The following CASTOR2 variants were observed in gnomAD, a reference collection of about 807,000 sequenced individuals.
CASTOR2 encodes cytosolic arginine sensor for mTORC1 subunit 2.
In CASTOR2, 8 loss-of-function variants were observed where a neutral mutation model predicts 31.2. That is an observed-to-expected ratio of 0.26 (90% confidence interval 0.15 to 0.46). CASTOR2 has a LOEUF of 0.46. Ranked by LOEUF, CASTOR2 falls within the 20% of genes least tolerant of loss-of-function variation. The probability of loss-of-function intolerance (pLI) is 0.99; values close to 1 mark genes in which losing one functional copy is unlikely to be tolerated. For missense variants in CASTOR2, 216 were observed against 382.1 expected (o/e 0.57, Z 3.62); for synonymous variants, 162 against 158.7 (o/e 1.02, Z -0.16).
chr7:75,022,047 T>TG (rs1261532371), intron 7 of CASTOR2, 91 bp downstream of exon 7: 7 of 1,454,998 alleles, frequency 4.8e-6, no homozygotes, highest in South Asian at 3.7e-5. Context: ...CGGCCCCTGC[T>TG]GGGGGGTACA....
intron 1 of CASTOR2, among the ~76,000 whole-genome samples, chr7:75,006,151 T>C (rs1409571387): frequency 1.3e-5 from 2 of 151,926 alleles, no homozygotes; most frequent in Admixed American, 6.6e-5. Context: ...GGACATGGTA[T>C]TGTGTGCCTG....
At chr7:75,019,953 T>G in intron 5 of CASTOR2, 86 bp from the exon 6 acceptor site, 1 of 1,310,984 alleles carries the variant, frequency 7.6e-7, no homozygotes. Context: ...CATCAAAGCC[T>G]GGGCAGGGCC....
chr7:74,987,797 C>T (rs1804107787), intron 1 of CASTOR2, among the ~76,000 whole-genome samples: 1 of 152,034 alleles, frequency 6.6e-6, no homozygotes, highest in Non-Finnish European at 1.5e-5. Flanking sequence ...CAACCTCCAC[C>T]TCCCAGGTTC....
chr7:75,001,817 A>G (rs1172587562), intron 1 of CASTOR2, among the ~76,000 whole-genome samples: 7 of 152,118 alleles, frequency 4.6e-5, no homozygotes, highest in Non-Finnish European at 7.4e-5. Context: ...ATGATTTGTA[A>G]TAGTTTGTGG....
At chr7:74,965,882 ACTCTCTCTCTCT>A (rs1162058092) in intron 1 of CASTOR2, among the ~76,000 whole-genome samples, 2 of 19,066 alleles carry the variant, frequency 1.0e-4, no homozygotes, top group African/African-American at 3.0e-4. Flanking sequence ...ACACACACAC[ACTCTCTCTCTCT>A]CTCTCTCTCT....
chr7:74,991,699 G>A (rs1314557155), intron 1 of CASTOR2, among the ~76,000 whole-genome samples: 6 of 152,104 alleles, frequency 3.9e-5, no homozygotes, highest in East Asian at 1.9e-4. Flanking sequence ...AGCATGGTTC[G>A]TGAAGGTGTC....
intron 1 of CASTOR2, among the ~76,000 whole-genome samples, chr7:75,000,140 C>T (rs1477295628): frequency 5.9e-5 from 9 of 152,288 alleles, no homozygotes; most frequent in African/African-American, 1.2e-4. Context: ...GTGGGAGGAT[C>T]GCTTGAGCCC....
At chr7:75,020,201 G>A (rs1804959992) in intron 6 of CASTOR2, 52 bp downstream of exon 6, 5 of 1,481,956 alleles carry the variant, frequency 3.4e-6, no homozygotes, top group African/African-American at 2.8e-5. Flanking sequence ...CCCAGGGTCT[G>A]GGGGGACTAT....
rs1355172680 is a variant in CASTOR2, at chr7:74,996,144, T to C, written c.114-11850T>C. Among the ~76,000 whole-genome samples the C allele has an allele frequency of 5.2e-4, 79 of 151,730 alleles. 3 individuals are homozygous for C. Among genetic ancestry groups the C allele is most frequent in the African/African-American group, 1.9e-3 (77 of 41,392 alleles). The stretch of plus-strand genomic sequence containing the variant: ...AGGGTTAAGCTCACCCAGCAATGGG[T>C]AGATGGGCCCCGGTGGCAGGAAAGG... On this transcript the variant is annotated intron_variant, in intron 1 of 8. Coordinates refer to ENST00000616305, the MANE Select transcript of CASTOR2 (RefSeq NM_001145064.3).
intron 7 of CASTOR2, among the ~76,000 whole-genome samples, chr7:75,024,153 G>A (rs946847319): frequency 2.5e-4 from 38 of 152,182 alleles, no homozygotes; most frequent in African/African-American, 9.2e-4. Flanking sequence ...AGCTGGGCAT[G>A]GTGGTACACG....
intron 2 of CASTOR2, 43 bp downstream of exon 2, chr7:75,008,107 G>T (rs1554438958): frequency 1.2e-6 from 2 of 1,611,760 alleles, no homozygotes; most frequent in Non-Finnish European, 8.5e-7. Context: ...ACCATGCCCC[G>T]AAGTCAGGGC....
At chr7:75,010,109 T>G (rs1447523362) in intron 2 of CASTOR2, among the ~76,000 whole-genome samples, 1 of 151,910 alleles carries the variant, frequency 6.6e-6, no homozygotes, top group Non-Finnish European at 1.5e-5. Flanking sequence ...TTTATTTGGG[T>G]TAGAAGCAGC....
intron 2 of CASTOR2, among the ~76,000 whole-genome samples, chr7:75,016,671 A>G (rs1198217141): frequency 6.6e-6 from 1 of 152,180 alleles, no homozygotes; most frequent in East Asian, 1.9e-4. Context: ...TGGCAGCATC[A>G]GACCCACAAA....
chr7:75,022,004 T>C, intron 7 of CASTOR2, 48 bp downstream of exon 7: 1 of 1,547,634 alleles, frequency 6.5e-7, no homozygotes, highest in Non-Finnish European at 8.7e-7. Context: ...CTGGCATTGC[T>C]GAGCCCATTC....
Position 75,008,021 on chromosome 7 carries a change from G to C in CASTOR2, c.141G>C (p.Thr47=), listed in dbSNP as rs1554438947. 12 of 1,613,756 alleles carry C rather than the reference G, an allele frequency of 7.4e-6. No individual in the cohort carries two copies. The highest frequency in any genetic ancestry group is 1.0e-5 in the Non-Finnish European group (12 of 1,179,848). The change falls in exon 2 of 9, where the codon ACG becomes ACC. Residue 47 remains threonine (T), a synonymous_variant. Coordinates refer to ENST00000616305, the MANE Select transcript of CASTOR2 (RefSeq NM_001145064.3). ...TRCKFFSLTE[T]PEDYTIIVDE... is the part of the protein sequence containing the mutation. ...GCAAGTTCTTCAGTCTGACTGAGAC[G>C]CCAGAGGATTACACTATCATTGTCG...
At position 75,029,180 on chromosome 7, in the gene CASTOR2, C is replaced by T. The variant is rs1337812814; in HGVS notation, c.*4481C>T. ...GATCTTCAAAGGTGAACACAGGCCA[C>T]CTCCCACTGGCCCCCTCCTCCTGGC... is the stretch of plus-strand genomic sequence containing the variant. On this transcript the variant is annotated 3_prime_UTR_variant, in exon 9 of 9. Transcript: ENST00000616305. Among the ~76,000 whole-genome samples, 1 of 152,186 alleles carries T rather than the reference C, an allele frequency of 6.6e-6. No homozygotes were observed. Among genetic ancestry groups the T allele is most frequent in the Non-Finnish European group, 1.5e-5 (1 of 68,024 alleles).
intron 1 of CASTOR2, among the ~76,000 whole-genome samples, chr7:74,984,901 G>A (rs1438234696): frequency 5.8e-4 from 88 of 152,298 alleles, no homozygotes; most frequent in Non-Finnish European, 1.0e-3. Context: ...GGAGGCCGAG[G>A]CAGTCAGATC....
At position 75,027,990 on chromosome 7, in the gene CASTOR2, A is replaced by G. The variant is rs1026965234; in HGVS notation, c.*3291A>G. 6.5e-6 allele frequency: 10 copies of G among 1,531,644 alleles called. No individual in the cohort carries two copies. The East Asian group carries it at 7.3e-5, about 11-fold the overall frequency. 94.9% of individuals were successfully genotyped at this position (1,531,644 alleles called of 1,614,324 possible). ...TCAGAGGGGCTCCATCCGCAGTTGC[A>G]TGGAACTCCTTACCTGTTTGCCGTC... On this transcript the variant is annotated 3_prime_UTR_variant, in exon 9 of 9. Transcript: ENST00000616305.
intron 2 of CASTOR2, among the ~76,000 whole-genome samples, chr7:75,016,311 C>T (rs71558567): frequency 0.098 from 14,869 of 152,286 alleles, 880 homozygotes; most frequent in Middle Eastern, 0.3. Context: ...GAAGGGATGG[C>T]TCCAGCGTTT....
Sources: gnomAD v4.1 joint callset for allele counts (sites outside exome capture counted in the v4.1 genomes callset) on GRCh38, gnomAD v4.1.1 for gene constraint, MANE v1.5 for transcripts, NCBI Gene and HGNC (gene_info 2026-07-23, HGNC 2026-07-21) for gene names.